The following TIE1 variants were observed in gnomAD, a reference collection of about 807,000 sequenced individuals.
The protein encoded by TIE1 is tyrosine-protein kinase receptor Tie-1.
Under a neutral mutation model 130.5 loss-of-function variants are expected in TIE1, and 89 were observed. The observed-to-expected ratio is 0.68, with a 90% CI of 0.57 to 0.81. TIE1 has a LOEUF of 0.81. TIE1 is among the 40% of genes least tolerant of loss of function. TIE1 has a pLI of 0.00. For synonymous variants in TIE1, 568 were observed against 629.4 expected (o/e 0.90, Z 1.46); for missense variants, 1,392 against 1,559.8 (o/e 0.89, Z 1.81).
rs1184942109 is a variant in TIE1 at position 43,318,358 on chromosome 1, C to T, written c.2922+286C>T. ...CAGCATCTGTGTGTGAGCTGTCACCCCACAGATGGTGCCTAATGGCAATGG... is the reference window on the plus strand; with the variant it reads ...CAGCATCTGTGTGTGAGCTGTCACCTCACAGATGGTGCCTAATGGCAATGG... On this transcript the variant is annotated intron_variant, in intron 17 of 22. Coordinates refer to ENST00000372476, the MANE Select transcript of TIE1 (RefSeq NM_005424.5). This position sits in a 1 kb window ranked among gnomAD's most constrained non-coding sequence, Gnocchi z 4.4. Among the ~76,000 whole-genome samples the T allele has an allele frequency of 6.6e-6, 1 of 152,008 alleles. No individual in the cohort carries two copies. Among genetic ancestry groups the T allele is most frequent in the Non-Finnish European group, 1.5e-5 (1 of 67,994 alleles).
chr1:43,313,895 C>T lies in TIE1; in HGVS notation c.2336C>T (p.Ala779Val). 6.2e-7 allele frequency: 1 copy of T among 1,614,180 alleles called. No individual in the cohort carries two copies. Among genetic ancestry groups the T allele is most frequent in the Non-Finnish European group, 8.5e-7 (1 of 1,180,038 alleles). ...VSATCLTILA[A>V]LLTLVCIRRS... is the part of the protein sequence containing the mutation. ...GCCACCTGCCTCACCATCCTGGCTG[C>T]CCTTTTAACCCTGGTGTGCATCCGC... The change falls in exon 14 of 23, where the codon GCC (alanine) becomes GTC (valine). Residue 779 changes from alanine to valine, a missense_variant. By Grantham distance (64) the Ala-to-Val change is moderately conservative. Coordinates refer to ENST00000372476, the MANE Select transcript of TIE1 (RefSeq NM_005424.5). The surrounding 1 kb of genome is among the most constrained non-coding windows in gnomAD (Gnocchi z 6.2).
rs1646882945 is a variant in TIE1 at position 43,318,464 on chromosome 1, G to GATGACTGT, written c.2922+393_2922+400dup. Reference sequence around the variant, plus strand: ...TCAGGCCTGAATGAGAGGACAGGGGGATGACTGTCCAGGGGAGTGTGAGTC... The same window carrying GATGACTGT: ...TCAGGCCTGAATGAGAGGACAGGGGGATGACTGTATGACTGTCCAGGGGAGTGTGAGTC... On this transcript the variant is annotated intron_variant, in intron 17 of 22. Coordinates refer to ENST00000372476, the MANE Select transcript of TIE1 (RefSeq NM_005424.5). This position sits in a 1 kb window ranked among gnomAD's most constrained non-coding sequence, Gnocchi z 4.4. Among the ~76,000 whole-genome samples the GATGACTGT allele has an allele frequency of 6.6e-6, 1 of 152,072 alleles. No homozygotes were observed. Among genetic ancestry groups the GATGACTGT allele is most frequent in the African/African-American group, 2.4e-5 (1 of 41,418 alleles).
chr1:43,317,894 T>C lies in TIE1; in HGVS notation c.2744T>C (p.Ile915Thr), dbSNP rs763818524. 1.2e-6 allele frequency: 2 copies of C among 1,614,150 alleles called. No homozygotes were observed. The highest frequency in any genetic ancestry group is 3.3e-5 in the Admixed American group (2 of 60,010). Residue 915 changes from isoleucine (I) to threonine (T), a missense_variant, in exon 17 of 23, where the codon ATC becomes ACC. Physicochemically the swap from Ile to Thr is moderately conservative, Grantham distance 89 (BLOSUM62 -1). This residue lies in a region of TIE1 where 286 missense variants were observed against 354.4 expected (regional missense o/e 0.81). Coordinates refer to ENST00000372476, the MANE Select transcript of TIE1 (RefSeq NM_005424.5). This position sits in a 1 kb window ranked among gnomAD's most constrained non-coding sequence, Gnocchi z 5.1. Reference sequence around the variant, plus strand: ...CTTTGCCTCTCAGGTTACTTGTATATCGCTATTGAATATGCCCCCTACGGG... The same window carrying C: ...CTTTGCCTCTCAGGTTACTTGTATACCGCTATTGAATATGCCCCCTACGGG... ...GACKNRGYLY[I>T]AIEYAPYGNL...
In TIE1 at chr1:43,319,158, A is replaced by C; in HGVS notation, c.2923-77A>C. On this transcript the variant is annotated intron_variant, in intron 17 of 22. Transcript: ENST00000372476. The surrounding 1 kb of genome is among the most constrained non-coding windows in gnomAD (Gnocchi z 4.7). Reference sequence around the variant, plus strand: ...TTGAAGGTAACAAGGGTACCCACGAAGACTGACTCCTTACTGGCCTGACTG... The same window carrying C: ...TTGAAGGTAACAAGGGTACCCACGACGACTGACTCCTTACTGGCCTGACTG... The C allele has an allele frequency of 9.3e-7, 1 of 1,070,912 alleles. No individual in the cohort carries two copies. 66.3% of individuals were successfully genotyped at this position (1,070,912 alleles called of 1,614,324 possible). A position where few individuals can be genotyped will look rare whatever the true frequency, so the allele number is the denominator to read the frequency against.
At chr1:43,305,443 C>A (rs1646719626) in intron 3 of TIE1, 100 bp downstream of exon 3, 1 of 1,119,296 alleles carries the variant, frequency 8.9e-7, no homozygotes, top group Non-Finnish European at 1.3e-6. Flanking sequence ...GCCCCTGACA[C>A]ACCCGACCTC....
chr1:43,304,766 G>A, intron 1 of TIE1, 85 bp from the exon 2 acceptor site: 2 of 1,331,120 alleles, frequency 1.5e-6, no homozygotes, highest in Middle Eastern at 2.8e-4. Context: ...CGGTGGATCA[G>A]TAAGACCAGA....
intron 7 of TIE1, among the ~76,000 whole-genome samples, chr1:43,308,145 A>G (rs1308810165): frequency 1.3e-5 from 2 of 152,234 alleles, no homozygotes; most frequent in Non-Finnish European, 2.9e-5. Context: ...ACTGCCAGCC[A>G]GCCATAGTGG....
intron 1 of TIE1, among the ~76,000 whole-genome samples, chr1:43,302,944 T>C (rs1364700745): frequency 6.6e-6 from 1 of 152,074 alleles, no homozygotes; most frequent in Non-Finnish European, 1.5e-5. Flanking sequence ...TGCTCAGAGA[T>C]GTGGACTTTA....
Position 43,307,653 on chromosome 1 carries a change from C to G in TIE1, c.913+81C>G. On this transcript the variant is annotated intron_variant, in intron 6 of 22. Transcript: ENST00000372476. The surrounding 1 kb of genome is among the most constrained non-coding windows in gnomAD (Gnocchi z 5.4). ...CCCGGACCCTCCACTCTGCCTCTGA[C>G]TTACGCAGCAAGCCCTCCTGCTCAC... The G allele has an allele frequency of 6.2e-7, 1 of 1,607,042 alleles. No homozygotes were observed. The highest frequency in any genetic ancestry group is 8.5e-7 in the Non-Finnish European group (1 of 1,174,990).
In TIE1 at chr1:43,309,599, A is replaced by G; in HGVS notation, c.1333+67A>G. 6.7e-7 allele frequency: 1 copy of G among 1,498,696 alleles called. No homozygotes were observed. The highest frequency in any genetic ancestry group is 8.9e-7 in the Non-Finnish European group (1 of 1,124,800). The allele number at this position is 1,498,696 out of a possible 1,614,324, so 92.8% of individuals were successfully genotyped here. On this transcript the variant is annotated intron_variant, in intron 9 of 22. Transcript: ENST00000372476. The surrounding 1 kb of genome is among the most constrained non-coding windows in gnomAD (Gnocchi z 6.3). ...GAGTAGGCTCTAGATGATGCTGCTC[A>G]GGCTGGAGATACTAGCAGGAAGGAC...
Position 43,307,514 on chromosome 1 carries a change from C to G in TIE1, c.855C>G (p.Leu285=), listed in dbSNP as rs1006274584. The G allele has an allele frequency of 1.2e-6, 2 of 1,614,068 alleles. No homozygotes were observed. Among genetic ancestry groups the G allele is most frequent in the African/African-American group, 2.7e-5 (2 of 74,932 alleles). The change falls in exon 6 of 23, where the codon CTC becomes CTG. Residue 285 remains leucine, a synonymous_variant. Coordinates refer to ENST00000372476, the MANE Select transcript of TIE1 (RefSeq NM_005424.5). The surrounding 1 kb of genome is among the most constrained non-coding windows in gnomAD (Gnocchi z 5.4). ...GCTGCCGGGGCCTCACCTTCTGCCT[C>G]CCAGACCCCTATGGCTGCTCTTGTG... is the stretch of plus-strand genomic sequence containing the variant. The part of the protein sequence containing the change: ...ISGCRGLTFC[L]PDPYGCSCGS...
At position 43,316,402 on chromosome 1, in the gene TIE1, C is replaced by T. The variant is rs1646859022; in HGVS notation, c.2410-797C>T. Among the ~76,000 whole-genome samples the T allele has an allele frequency of 6.6e-6, 1 of 152,218 alleles. No homozygotes were observed. The highest frequency in any genetic ancestry group is 2.1e-4 in the South Asian group (1 of 4,826). On this transcript the variant is annotated intron_variant, in intron 14 of 22. Transcript: ENST00000372476. The surrounding 1 kb of genome is among the most constrained non-coding windows in gnomAD (Gnocchi z 4.4). ...GGACTTCAGTGCACTTAGGAAGCCC[C>T]ACCAGAAGGTCTGTCTTAACCCTGC...
At chr1:43,302,433 A>C (rs1646679154) in intron 1 of TIE1, 1 of 152,300 alleles carries the variant, frequency 6.6e-6, no homozygotes, top group Admixed American at 6.5e-5. Context: ...AGAACACAGG[A>C]CAGGGGAAGA....
At position 43,313,799 on chromosome 1, in the gene TIE1, T is replaced by C; in HGVS notation, c.2240T>C (p.Val747Ala). 6.2e-7 allele frequency: 1 copy of C among 1,613,354 alleles called. No individual in the cohort carries two copies. The highest frequency in any genetic ancestry group is 8.5e-7 in the Non-Finnish European group (1 of 1,179,802). Residue 747 changes from valine (V) to alanine (A), a missense_variant, in exon 14 of 23, where the codon GTC becomes GCC. Physicochemically the swap from Val to Ala is moderately conservative, Grantham distance 64 (BLOSUM62 0). Around this residue, in one of 6 missense-constraint regions of TIE1, gnomAD observed 551 missense variants for 565.5 expected, o/e 0.97. Coordinates refer to ENST00000372476, the MANE Select transcript of TIE1 (RefSeq NM_005424.5). The surrounding 1 kb of genome is among the most constrained non-coding windows in gnomAD (Gnocchi z 6.2). ...LGNGLQAEGP[V>A]QESRAAEEGL... ...CCAGGGCTGCAGGCTGAGGGCCCAGTCCAAGAGAGCCGGGCAGCTGAAGAG... is the reference window on the plus strand; with the variant it reads ...CCAGGGCTGCAGGCTGAGGGCCCAGCCCAAGAGAGCCGGGCAGCTGAAGAG...
In TIE1 at chr1:43,319,906, G is replaced by A. The variant is rs1406042670; in HGVS notation, c.3107+377G>A. 3.5e-5 allele frequency: 10 copies of A among 286,648 alleles called. No individual in the cohort carries two copies. Among genetic ancestry groups the A allele is most frequent in the Non-Finnish European group, 4.1e-5 (6 of 146,440 alleles). The allele number at this position is 286,648 out of a possible 1,614,324, so 17.8% of individuals were successfully genotyped here. ...TCATGCCCACCTGAGGATCTTACCA[G>A]AGCATGACCCCCAAGACTCCCTCTC... On this transcript the variant is annotated intron_variant, in intron 19 of 22. Coordinates refer to ENST00000372476, the MANE Select transcript of TIE1 (RefSeq NM_005424.5). The surrounding 1 kb of genome is among the most constrained non-coding windows in gnomAD (Gnocchi z 4.7).
Position 43,312,071 on chromosome 1 carries a change from C to A in TIE1, c.1570C>A (p.Pro524Thr). 6.2e-7 allele frequency: 1 copy of A among 1,605,404 alleles called. No individual in the cohort carries two copies. Among genetic ancestry groups the A allele is most frequent in the Non-Finnish European group, 8.5e-7 (1 of 1,174,446 alleles). The stretch of plus-strand genomic sequence containing the variant: ...CAGTGTTCGTGTGCAGCTGAGCCGG[C>A]CAGGGGAAGGAGGAGAGGGGGCCTG... ...GYSVRVQLSRPGEGGEGAWGP... is the reference protein window; with the variant it reads ...GYSVRVQLSRTGEGGEGAWGP... Residue 524 changes from proline (P) to threonine (T), a missense_variant, in exon 11 of 23, where the codon CCA becomes ACA. By Grantham distance (38) the Pro-to-Thr change is conservative. This residue lies in a region of TIE1 where 551 missense variants were observed against 565.5 expected (regional missense o/e 0.97). Coordinates refer to ENST00000372476, the MANE Select transcript of TIE1 (RefSeq NM_005424.5). This position sits in a 1 kb window ranked among gnomAD's most constrained non-coding sequence, Gnocchi z 5.6.
At position 43,312,725 on chromosome 1, in the gene TIE1, C is replaced by T; in HGVS notation, c.1927+124C>T. 1 of 1,177,198 alleles carries T rather than the reference C, an allele frequency of 8.5e-7. No individual in the cohort carries two copies. Among genetic ancestry groups the T allele is most frequent in the African/African-American group, 1.5e-5 (1 of 65,192 alleles). 72.9% of individuals were successfully genotyped at this position (1,177,198 alleles called of 1,614,324 possible). A position where few individuals can be genotyped will look rare whatever the true frequency, so the allele number is the denominator to read the frequency against. ...GGACATGGAGAGGACACAGGACACA[C>T]ATAGGGTATTAGGCAGACGTGACCC... On this transcript the variant is annotated intron_variant, in intron 12 of 22. Transcript: ENST00000372476. This position sits in a 1 kb window ranked among gnomAD's most constrained non-coding sequence, Gnocchi z 5.6.
Position 43,319,151 on chromosome 1 carries a change from C to T in TIE1, c.2923-84C>T. 1 of 952,532 alleles carries T rather than the reference C, an allele frequency of 1.0e-6. No individual in the cohort carries two copies. Among genetic ancestry groups the T allele is most frequent in the Non-Finnish European group, 1.7e-6 (1 of 582,540 alleles). 59.0% of individuals were successfully genotyped at this position (952,532 alleles called of 1,614,324 possible). On this transcript the variant is annotated intron_variant, in intron 17 of 22. Transcript: ENST00000372476. The surrounding 1 kb of genome is among the most constrained non-coding windows in gnomAD (Gnocchi z 4.7). ...TGGGGTATTGAAGGTAACAAGGGTA[C>T]CCACGAAGACTGACTCCTTACTGGC...
Position 43,319,155 on chromosome 1 carries a change from C to G in TIE1, c.2923-80C>G. The G allele has an allele frequency of 9.7e-7, 1 of 1,036,112 alleles. No homozygotes were observed. The highest frequency in any genetic ancestry group is 2.4e-5 in the East Asian group (1 of 42,188). The allele number at this position is 1,036,112 out of a possible 1,614,324, so 64.2% of individuals were successfully genotyped here. ...GTATTGAAGGTAACAAGGGTACCCA[C>G]GAAGACTGACTCCTTACTGGCCTGA... On this transcript the variant is annotated intron_variant, in intron 17 of 22. Coordinates refer to ENST00000372476, the MANE Select transcript of TIE1 (RefSeq NM_005424.5). This position sits in a 1 kb window ranked among gnomAD's most constrained non-coding sequence, Gnocchi z 4.7.
Sources: allele counts gnomAD v4.1 joint callset (sites outside exome capture counted in the v4.1 genomes callset), GRCh38; gene constraint gnomAD v4.1.1; regional missense constraint gnomAD v4.1.1; non-coding constraint Gnocchi (gnomAD v3.1); transcripts MANE v1.5; gene names NCBI Gene and HGNC (gene_info 2026-07-23, HGNC 2026-07-21).